DMXL2: variants seen among roughly 807,000 people sequenced by gnomAD.
DMXL2 encodes Dmx like 2, also known as dmX-like protein 2.
In DMXL2, 103 loss-of-function variants were observed where a neutral mutation model predicts 331.1. The observed-to-expected ratio is 0.31, with a 90% CI of 0.27 to 0.37. DMXL2 has a LOEUF of 0.37. Among genes scored for constraint, DMXL2 ranks in the 10% least tolerant of loss-of-function variants. DMXL2 has a pLI of 1.00. For synonymous variants in DMXL2, 1,281 were observed against 1,252.1 expected (o/e 1.02, Z -0.49); for missense variants, 3,171 against 3,642.9 (o/e 0.87, Z 3.33).
At chr15:51,449,691 A>C (rs2038964693) in intron 43 of DMXL2, among the ~76,000 whole-genome samples, 1 of 152,144 alleles carries the variant, frequency 6.6e-6, no homozygotes. Context: ...AACTTTAACA[A>C]TATTTTTAAC....
chr15:51,622,749 G>T lies in DMXL2; in HGVS notation c.-204C>A. 1.0e-6 allele frequency: 1 copy of T among 978,486 alleles called. No homozygotes were observed. Among genetic ancestry groups the T allele is most frequent in the Non-Finnish European group, 1.4e-6 (1 of 694,444 alleles). 60.6% of individuals were successfully genotyped at this position (978,486 alleles called of 1,614,324 possible). A position where few individuals can be genotyped will look rare whatever the true frequency, so the allele number is the denominator to read the frequency against. ...GCTCCTCGACCGCCGCCGCCGCCCG[G>T]GTCGCCGCTCAGCTGCGGAAATGCC... On this transcript the variant is annotated 5_prime_UTR_variant, in exon 1 of 44. Transcript: ENST00000560891.
intron 1 of DMXL2, among the ~76,000 whole-genome samples, chr15:51,614,408 T>C (rs2097101629): frequency 6.6e-6 from 1 of 152,230 alleles, no homozygotes; most frequent in African/African-American, 2.4e-5. Context: ...AATCTCTAAT[T>C]CATTATATAC....
intron 43 of DMXL2, among the ~76,000 whole-genome samples, 182 bp downstream of exon 43, chr15:51,449,947 A>G (rs745894192): frequency 2.0e-5 from 3 of 152,204 alleles, no homozygotes; most frequent in Admixed American, 6.5e-5. Flanking sequence ...CTCATTGACC[A>G]TAACAGTTTA....
intron 1 of DMXL2, among the ~76,000 whole-genome samples, chr15:51,595,705 C>CT (rs1486875359): frequency 1.3e-5 from 2 of 152,120 alleles, no homozygotes; most frequent in Non-Finnish European, 2.9e-5. Context: ...CAGTATGGTA[C>CT]TGGTACCAAA....
intron 29 of DMXL2, among the ~76,000 whole-genome samples, chr15:51,467,885 C>T (rs1048163911): frequency 4.6e-5 from 7 of 152,098 alleles, no homozygotes; most frequent in African/African-American, 1.7e-4. Flanking sequence ...TGCCACCACG[C>T]CCGGCTAATT....
intron 11 of DMXL2, among the ~76,000 whole-genome samples, chr15:51,537,083 A>G (rs138685008): frequency 1.5e-4 from 23 of 152,208 alleles, no homozygotes; most frequent in African/African-American, 4.8e-4. Context: ...CTTGTACAAC[A>G]AAATGACCAC....
chr15:51,606,617 T>C (rs1224001130), intron 1 of DMXL2, among the ~76,000 whole-genome samples: 3 of 152,212 alleles, frequency 2.0e-5, no homozygotes, highest in Non-Finnish European at 4.4e-5. Context: ...CTAATTAAAT[T>C]AAAATTCCCT....
intron 3 of DMXL2, chr15:51,566,984 T>G (rs2050328955): frequency 6.6e-6 from 1 of 151,800 alleles, no homozygotes; most frequent in South Asian, 2.1e-4. Context: ...GTGAGCTTTT[T>G]AAACTCCTAA....
intron 1 of DMXL2, among the ~76,000 whole-genome samples, chr15:51,598,534 G>C (rs1056279959): frequency 6.6e-6 from 1 of 152,118 alleles, no homozygotes; most frequent in African/African-American, 2.4e-5. Context: ...TAAGTGTTTA[G>C]CTATGTCTTT....
chr15:51,606,174 C>G (rs2141358501), intron 1 of DMXL2, among the ~76,000 whole-genome samples: 1 of 152,264 alleles, frequency 6.6e-6, no homozygotes, highest in Middle Eastern at 3.4e-3. Context: ...TAGAATTAAA[C>G]CAACACACTT....
At chr15:51,613,703 T>C (rs555000917) in intron 1 of DMXL2, among the ~76,000 whole-genome samples, 70 of 152,372 alleles carry the variant, frequency 4.6e-4, no homozygotes, top group Non-Finnish European at 8.5e-4. Context: ...TATTTGCTTT[T>C]TGCTTCTAAT....
At chr15:51,555,795 A>T (rs915237239) in intron 6 of DMXL2, among the ~76,000 whole-genome samples, 1 of 152,206 alleles carries the variant, frequency 6.6e-6, no homozygotes, top group Non-Finnish European at 1.5e-5. Context: ...CAAAACTGAC[A>T]TACAAAAGAA....
chr15:51,509,562 T>C (rs560992447), intron 15 of DMXL2, among the ~76,000 whole-genome samples: 1 of 152,278 alleles, frequency 6.6e-6, no homozygotes, highest in African/African-American at 2.4e-5. Flanking sequence ...GAGGCAGTAA[T>C]TAATATCCTA....
chr15:51,549,762 G>A (rs553520496), intron 6 of DMXL2, among the ~76,000 whole-genome samples: 1 of 152,080 alleles, frequency 6.6e-6, no homozygotes, highest in South Asian at 2.1e-4. Context: ...TATCCTCCTT[G>A]GAGAATTGTC....
At chr15:51,565,407 G>A (rs550929054) in intron 3 of DMXL2, among the ~76,000 whole-genome samples, 4 of 152,146 alleles carry the variant, frequency 2.6e-5, no homozygotes, top group East Asian at 1.9e-4. Flanking sequence ...GTTCTCTCAC[G>A]CTTTTTCTCA....
intron 1 of DMXL2, among the ~76,000 whole-genome samples, chr15:51,600,584 C>A (rs1193199904): frequency 6.6e-6 from 1 of 152,196 alleles, no homozygotes; most frequent in East Asian, 1.9e-4. Context: ...TCTCTAAAAT[C>A]TGAAATTAAA....
At chr15:51,564,326 T>C in intron 4 of DMXL2, 66 bp from the exon 5 acceptor site, 5 of 1,266,500 alleles carry the variant, frequency 3.9e-6, no homozygotes, top group Non-Finnish European at 5.3e-6. Context: ...GCACATGGGC[T>C]TCTGTTTAGA....
intron 2 of DMXL2, among the ~76,000 whole-genome samples, chr15:51,575,458 T>A (rs2050961616): frequency 6.6e-6 from 1 of 152,164 alleles, no homozygotes; most frequent in Admixed American, 6.5e-5. Context: ...AAACATCCTA[T>A]ATTTACTTGA....
Position 51,474,629 on chromosome 15 carries a change from G to C in DMXL2, c.6965-37C>G, listed in dbSNP as rs150277728. 5.7e-4 allele frequency: 868 copies of C among 1,524,898 alleles called. 2 individuals carry two copies. The African/African-American group carries it at 0.011, about 19-fold the overall frequency. The allele number at this position is 1,524,898 out of a possible 1,614,324, so 94.5% of individuals were successfully genotyped here. ...TATAAAATCATAAGACGTATGTCAGGATGAAGCACCAGAAGGAAAAAACAT... is the reference window on the plus strand; with the variant it reads ...TATAAAATCATAAGACGTATGTCAGCATGAAGCACCAGAAGGAAAAAACAT... On this transcript the variant is annotated intron_variant, in intron 27 of 43. Transcript: ENST00000560891.
Sources: gnomAD v4.1 joint callset for allele counts (sites outside exome capture counted in the v4.1 genomes callset) on GRCh38, gnomAD v4.1.1 for gene constraint, MANE v1.5 for transcripts, NCBI Gene and HGNC (gene_info 2026-07-23, HGNC 2026-07-21) for gene names.